The following CSMD1 variants were observed in gnomAD, a reference collection of about 807,000 sequenced individuals.
CSMD1 encodes the protein CUB and sushi domain-containing protein 1.
Under a neutral mutation model 417.5 loss-of-function variants are expected in CSMD1, and 213 were observed. The observed-to-expected ratio is 0.51, with a 90% CI of 0.46 to 0.57. The LOEUF is 0.57. Ranked by LOEUF, CSMD1 falls within the 20% of genes least tolerant of loss-of-function variation. The pLI is 0.00. For missense variants in CSMD1, 6,923 were observed against 4,529.7 expected (o/e 1.53, Z -15.17); for synonymous variants, 2,862 against 1,736.8 (o/e 1.65, Z -16.11).
chr8:4,650,787 T>C (rs1371411989), intron 1 of CSMD1, among the ~76,000 whole-genome samples: 3 of 152,220 alleles, frequency 2.0e-5, no homozygotes, highest in Non-Finnish European at 4.4e-5. Context: ...TTCATCTAGA[T>C]TCTATTCTTC....
At chr8:2,966,786 A>T in intron 57 of CSMD1, 40 bp from the exon 58 acceptor site, 1 of 1,595,082 alleles carries the variant, frequency 6.3e-7, no homozygotes, top group Non-Finnish European at 8.6e-7. Context: ...ACAGTGAGTG[A>T]CCCAGCATGA....
At chr8:3,407,398 TG>T (rs1210942218) in intron 14 of CSMD1, among the ~76,000 whole-genome samples, 1 of 149,080 alleles carries the variant, frequency 6.7e-6, no homozygotes, top group East Asian at 2.0e-4. Flanking sequence ...GATGGATGGA[TG>T]GAAGGATGAA....
At chr8:4,086,044 T>C (rs1376968884) in intron 3 of CSMD1, among the ~76,000 whole-genome samples, 2 of 152,214 alleles carry the variant, frequency 1.3e-5, no homozygotes, top group South Asian at 2.1e-4. Flanking sequence ...CAACAAAAAA[T>C]AGATGCAATC....
intron 7 of CSMD1, among the ~76,000 whole-genome samples, chr8:3,665,798 C>G (rs141572945): frequency 6.6e-6 from 1 of 152,176 alleles, no homozygotes; most frequent in Non-Finnish European, 1.5e-5. Context: ...TTTCTTAGAG[C>G]ACCCCTAGGA....
chr8:4,283,372 A>G (rs1274973298), intron 3 of CSMD1, among the ~76,000 whole-genome samples: 2 of 152,162 alleles, frequency 1.3e-5, no homozygotes, highest in African/African-American at 4.8e-5. Context: ...GCCATCTGAA[A>G]AGGGTATGTG....
chr8:3,136,931 A>C (rs73657582), intron 41 of CSMD1, among the ~76,000 whole-genome samples: 9,737 of 152,214 alleles, frequency 0.064, 1,055 homozygotes, highest in African/African-American at 0.22. Flanking sequence ...TACTGTTTTG[A>C]ATTTAAAAAC....
At chr8:4,206,971 G>A (rs1308893019) in intron 3 of CSMD1, among the ~76,000 whole-genome samples, 2 of 152,062 alleles carry the variant, frequency 1.3e-5, no homozygotes, top group South Asian at 2.1e-4. Context: ...TATAGATGTG[G>A]ATAAAATTAT....
chr8:4,290,042 C>G (rs1290526920), intron 3 of CSMD1, among the ~76,000 whole-genome samples: 14 of 152,270 alleles, frequency 9.2e-5, no homozygotes, highest in Admixed American at 4.6e-4. Flanking sequence ...TAAGGTTTAA[C>G]CAGAACCAAC....
intron 20 of CSMD1, among the ~76,000 whole-genome samples, chr8:3,363,975 C>T (rs1248327903): frequency 6.6e-6 from 1 of 152,066 alleles, no homozygotes; most frequent in Non-Finnish European, 1.5e-5. Flanking sequence ...GAAATACTGA[C>T]TAGGAAACAC....
chr8:3,105,322 A>C (rs1816059470), intron 46 of CSMD1, among the ~76,000 whole-genome samples: 1 of 152,204 alleles, frequency 6.6e-6, no homozygotes, highest in South Asian at 2.1e-4. Flanking sequence ...ACCCTAAGGA[A>C]TGACAATAGT....
In CSMD1 at chr8:3,879,203, G is replaced by C. The variant is rs540615271; in HGVS notation, c.818+118700C>G. 8.5e-5 allele frequency among the ~76,000 whole-genome samples: 13 copies of C among 152,108 alleles called. No homozygotes were observed. The East Asian group carries it at 1.7e-3, about 20-fold the overall frequency. On this transcript the variant is annotated intron_variant, in intron 5 of 69. Transcript: ENST00000635120. ...ATTACAGCACACTTCTCTTTGCCTA[G>C]AAATATACAGGTATGTATTTATACA...
At chr8:4,774,038 A>T (rs1796726944) in intron 1 of CSMD1, among the ~76,000 whole-genome samples, 1 of 152,076 alleles carries the variant, frequency 6.6e-6, no homozygotes, top group African/African-American at 2.4e-5. Flanking sequence ...TCTACTAAAA[A>T]TACAAAATAT....
At chr8:3,731,620 T>G (rs1393349592) in intron 6 of CSMD1, among the ~76,000 whole-genome samples, 2 of 151,976 alleles carry the variant, frequency 1.3e-5, no homozygotes, top group Non-Finnish European at 1.5e-5. Flanking sequence ...AAGGCTAAAA[T>G]GGAAAGGATG....
At position 4,490,847 on chromosome 8, in the gene CSMD1, G is replaced by C. The variant is rs112588425; in HGVS notation, c.303-70782C>G. Among the ~76,000 whole-genome samples the C allele has an allele frequency of 6.6e-3, 1,009 of 152,294 alleles. 10 individuals carry two copies. Among genetic ancestry groups the C allele is most frequent in the African/African-American group, 0.023 (964 of 41,560 alleles). On this transcript the variant is annotated intron_variant, in intron 2 of 69. Transcript: ENST00000635120. The stretch of plus-strand genomic sequence containing the variant: ...AAAGTCGGAAACACATTATCCTCTT[G>C]CTTATAGTGTTACAGGACGTGATTT...
At chr8:3,716,351 C>T (rs1158325461) in intron 6 of CSMD1, among the ~76,000 whole-genome samples, 18 of 152,236 alleles carry the variant, frequency 1.2e-4, no homozygotes, top group Admixed American at 1.2e-3. Context: ...AGAAGGGCTA[C>T]TCCATAGACA....
At chr8:4,645,814 G>A (rs1002763975) in intron 1 of CSMD1, among the ~76,000 whole-genome samples, 4 of 152,054 alleles carry the variant, frequency 2.6e-5, no homozygotes, top group Admixed American at 2.6e-4. Context: ...TAGATTCCGG[G>A]ACACATCATT....
intron 5 of CSMD1, among the ~76,000 whole-genome samples, chr8:3,857,796 A>G (rs533745902): frequency 2.6e-5 from 4 of 152,362 alleles, no homozygotes; most frequent in African/African-American, 9.6e-5. Context: ...AAAAGGATAC[A>G]ACACCAGGCC....
intron 1 of CSMD1, among the ~76,000 whole-genome samples, chr8:4,848,042 T>G (rs1801246288): frequency 6.6e-6 from 1 of 152,176 alleles, no homozygotes; most frequent in Admixed American, 6.5e-5. Flanking sequence ...ATTTCCCTGT[T>G]GGGGACATTT....
rs117091021 is a variant in CSMD1, at chr8:3,785,086, T to C, written c.819-31044A>G. On this transcript the variant is annotated intron_variant, in intron 5 of 69. Coordinates refer to ENST00000635120, the MANE Select transcript of CSMD1 (RefSeq NM_033225.6). ...CCTCAATAGCATAGTGGACTTTGGG[T>C]CAAGATTGACTGAATTTGAATCCTG... 1.6e-3 allele frequency among the ~76,000 whole-genome samples: 237 copies of C among 152,244 alleles called. 7 individuals carry two copies. The East Asian group carries it at 0.044, about 28-fold the overall frequency.
Sources: allele counts gnomAD v4.1 joint callset (sites outside exome capture counted in the v4.1 genomes callset), GRCh38; gene constraint gnomAD v4.1.1; transcripts MANE v1.5; gene names NCBI Gene and HGNC (gene_info 2026-07-23, HGNC 2026-07-21).